Variants in SRGAP1 observed in about 807,000 individuals in gnomAD.
SRGAP1 encodes the protein SLIT-ROBO Rho GTPase-activating protein 1.
In SRGAP1, 43 loss-of-function variants were observed where a neutral mutation model predicts 121.9. That is an observed-to-expected ratio of 0.35 (90% confidence interval 0.28 to 0.46). SRGAP1 has a LOEUF of 0.46. SRGAP1 is among the 20% of genes least tolerant of loss of function. The pLI is 1.00. For synonymous variants in SRGAP1, 447 were observed against 485.4 expected (o/e 0.92, Z 1.04); for missense variants, 1,102 against 1,350.9 (o/e 0.82, Z 2.89).
rs565724311 is a variant in SRGAP1, at chr12:64,011,936, C to G, written c.427-5014C>G. 1.2e-3 allele frequency among the ~76,000 whole-genome samples: 178 copies of G among 152,144 alleles called. 1 individual carries two copies. The highest frequency in any genetic ancestry group is 4.1e-3 in the African/African-American group (170 of 41,480). On this transcript the variant is annotated intron_variant, in intron 3 of 21. Coordinates refer to ENST00000355086, the MANE Select transcript of SRGAP1 (RefSeq NM_020762.4). The stretch of plus-strand genomic sequence containing the variant: ...GGGCAACATGGCAAAACCCTCTCTA[C>G]ATAAAATACAAAAATTAGCTGGGCA...
In SRGAP1 at chr12:64,147,671, C is replaced by G. The variant is rs187540068; in HGVS notation, c.*4999C>G. ...TCTGAGGTGAAAATAAAGGGGGATG[C>G]TTTTACAGTCTGGAAAGAAAAAAAA... is the stretch of plus-strand genomic sequence containing the variant. On this transcript the variant is annotated 3_prime_UTR_variant, in exon 22 of 22. Transcript: ENST00000355086. 91 of 398,580 alleles carry G rather than the reference C, an allele frequency of 2.3e-4. No homozygotes were observed. The highest frequency in any genetic ancestry group is 1.4e-3 in the African/African-American group (66 of 48,712). The allele number at this position is 398,580 out of a possible 1,614,324, so 24.7% of individuals were successfully genotyped here.
At chr12:63,850,074 G>A (rs990109036) in intron 1 of SRGAP1, among the ~76,000 whole-genome samples, 15 of 152,112 alleles carry the variant, frequency 9.9e-5, no homozygotes, top group African/African-American at 3.6e-4. Flanking sequence ...TACCCAGGCA[G>A]CAGCTTCACA....
chr12:64,045,491 AGTG>A (rs1176819377), intron 6 of SRGAP1, among the ~76,000 whole-genome samples: 1 of 151,002 alleles, frequency 6.6e-6, no homozygotes, highest in Non-Finnish European at 1.5e-5. Context: ...GCTGGAGTTC[AGTG>A]GTACAATCTT....
At chr12:63,948,262 G>A (rs1220928843) in intron 1 of SRGAP1, among the ~76,000 whole-genome samples, 1 of 152,094 alleles carries the variant, frequency 6.6e-6, no homozygotes, top group Non-Finnish European at 1.5e-5. Flanking sequence ...TAATTTTGAT[G>A]AGTTGACTGG....
At chr12:63,971,093 G>T (rs1180770069) in intron 1 of SRGAP1, among the ~76,000 whole-genome samples, 4 of 152,110 alleles carry the variant, frequency 2.6e-5, no homozygotes, top group Admixed American at 6.5e-5. Flanking sequence ...TTTGTCCATA[G>T]TACCCTTTCG....
At chr12:63,885,051 A>G (rs941949990) in intron 1 of SRGAP1, among the ~76,000 whole-genome samples, 1 of 152,114 alleles carries the variant, frequency 6.6e-6, no homozygotes, top group African/African-American at 2.4e-5. Context: ...AAAATCCACT[A>G]AAGTTTATGG....
intron 6 of SRGAP1, among the ~76,000 whole-genome samples, chr12:64,048,226 A>T (rs973537315): frequency 1.3e-5 from 2 of 152,092 alleles, no homozygotes; most frequent in African/African-American, 4.8e-5. Flanking sequence ...AGCTCTCACA[A>T]ATGAGTGAGA....
chr12:63,861,708 C>T (rs1899458710), intron 1 of SRGAP1, among the ~76,000 whole-genome samples: 1 of 152,050 alleles, frequency 6.6e-6, no homozygotes. Context: ...ATGTTTTAGG[C>T]CAGGAGTGGT....
At chr12:63,923,099 T>A (rs1326938785) in intron 1 of SRGAP1, among the ~76,000 whole-genome samples, 1 of 152,236 alleles carries the variant, frequency 6.6e-6, no homozygotes, top group Non-Finnish European at 1.5e-5. Context: ...AGAAATCATA[T>A]GGTGACCAAT....
intron 3 of SRGAP1, among the ~76,000 whole-genome samples, chr12:63,996,852 T>C (rs1170890239): frequency 6.6e-6 from 1 of 152,128 alleles, no homozygotes; most frequent in Non-Finnish European, 1.5e-5. Context: ...TTTTTATTTT[T>C]TAAGAAATAA....
intron 16 of SRGAP1, among the ~76,000 whole-genome samples, chr12:64,109,319 G>A (rs549383898): frequency 1.3e-5 from 2 of 152,152 alleles, no homozygotes; most frequent in East Asian, 3.9e-4. Context: ...GTTATTCAGT[G>A]TTTTTCAGAC....
intron 1 of SRGAP1, among the ~76,000 whole-genome samples, chr12:63,953,165 G>T (rs1397891617): frequency 6.6e-6 from 1 of 152,106 alleles, no homozygotes; most frequent in East Asian, 1.9e-4. Context: ...TTGTCCAGTG[G>T]CTTATTGTTA....
rs577047484 is a variant in SRGAP1, at chr12:63,945,669, G to T, written c.68-38278G>T. 2.0e-5 allele frequency among the ~76,000 whole-genome samples: 3 copies of T among 152,294 alleles called. No individual in the cohort carries two copies. In the South Asian group the frequency reaches 6.2e-4, roughly 32 times the overall value. ...ACTGTTGTACATACACACTTATTTT[G>T]ATGGGTTTGGTTGTTACTATCCAAG... On this transcript the variant is annotated intron_variant, in intron 1 of 21. Transcript: ENST00000355086.
At chr12:63,935,606 C>G (rs1241391787) in intron 1 of SRGAP1, among the ~76,000 whole-genome samples, 1 of 152,052 alleles carries the variant, frequency 6.6e-6, no homozygotes. Context: ...CTTTCTGGTC[C>G]AAAAATAACA....
intron 3 of SRGAP1, among the ~76,000 whole-genome samples, chr12:63,996,109 A>G: frequency 6.6e-6 from 1 of 152,108 alleles, no homozygotes; most frequent in East Asian, 1.9e-4. Flanking sequence ...CTCTTTGAAT[A>G]TAAAAATAGA....
At chr12:64,137,965 T>A (rs193254855) in intron 21 of SRGAP1, among the ~76,000 whole-genome samples, 2,689 of 116,768 alleles carry the variant, frequency 0.023, 23 homozygotes, top group Middle Eastern at 0.052. Context: ...AAAAAAAATA[T>A]ATATATATAT....
chr12:64,093,632 G>A (rs1706507855), intron 12 of SRGAP1, among the ~76,000 whole-genome samples: 1 of 152,008 alleles, frequency 6.6e-6, no homozygotes, highest in Non-Finnish European at 1.5e-5. Context: ...AGTAAGTTAT[G>A]ATGTAATTAC....
chr12:64,058,586 C>T (rs1379560117), intron 6 of SRGAP1, among the ~76,000 whole-genome samples: 1 of 152,096 alleles, frequency 6.6e-6, no homozygotes, highest in Non-Finnish European at 1.5e-5. Flanking sequence ...TGTATCTGTT[C>T]AGAATTTTTC....
chr12:63,925,129 AT>A (rs1472136127), intron 1 of SRGAP1, among the ~76,000 whole-genome samples: 1 of 152,164 alleles, frequency 6.6e-6, no homozygotes, highest in Admixed American at 6.6e-5. Context: ...CTGGATCCTG[AT>A]TTAGTAGCAG....
Sources: gnomAD v4.1 joint callset for allele counts (sites outside exome capture counted in the v4.1 genomes callset) on GRCh38, gnomAD v4.1.1 for gene constraint, MANE v1.5 for transcripts, NCBI Gene and HGNC (gene_info 2026-07-23, HGNC 2026-07-21) for gene names.